The following MFSD6 variants were observed in gnomAD, a reference collection of about 807,000 sequenced individuals.
MFSD6 encodes major facilitator superfamily domain containing 6, also known as major facilitator superfamily domain-containing protein 6.
A neutral mutation model predicts 56.3 loss-of-function variants in MFSD6; 26 were observed. The observed-to-expected ratio is 0.46, with a 90% CI of 0.34 to 0.64. The LOEUF (loss-of-function observed/expected upper bound fraction) is 0.64, where lower values mean the gene tolerates loss of function less well. MFSD6 is among the 30% of genes least tolerant of loss of function. The probability of loss-of-function intolerance (pLI) is 0.01; values close to 1 mark genes in which losing one functional copy is unlikely to be tolerated. For missense variants in MFSD6, 750 were observed against 986.2 expected (o/e 0.76, Z 3.21); for synonymous variants, 331 against 366.9 (o/e 0.90, Z 1.12).
In MFSD6 at chr2:190,416,485, AC is replaced by A. The variant is rs1159185535; in HGVS notation, c.-54+1073del. On this transcript the variant is annotated intron_variant, in intron 2 of 7. Coordinates refer to ENST00000392328, the MANE Select transcript of MFSD6 (RefSeq NM_017694.4). The surrounding 1 kb of genome is among the most constrained non-coding windows in gnomAD (Gnocchi z 4.1). ...ATGAATTATCATTCCAGTCCATATT[AC>A]AATAGTGTGTTCTCCAGTGAACCAG... Among the ~76,000 whole-genome samples the A allele has an allele frequency of 6.6e-6, 1 of 152,200 alleles. No individual in the cohort carries two copies.
intron 4 of MFSD6, among the ~76,000 whole-genome samples, chr2:190,476,815 C>T (rs980767167): frequency 6.6e-5 from 10 of 152,076 alleles, no homozygotes; most frequent in Admixed American, 4.6e-4. Context: ...ATATGTCCAA[C>T]AGTGATAGAC....
At chr2:190,482,260 A>G (rs541208466) in intron 4 of MFSD6, among the ~76,000 whole-genome samples, 2 of 152,036 alleles carry the variant, frequency 1.3e-5, no homozygotes, top group Admixed American at 1.3e-4. Context: ...TGTGAGCAAG[A>G]AAAGAAAACA....
Position 190,418,332 on chromosome 2 carries a change from G to C in MFSD6, c.-54+2919G>C, listed in dbSNP as rs894955387. On this transcript the variant is annotated intron_variant, in intron 2 of 7. Transcript: ENST00000392328. This position sits in a 1 kb window ranked among gnomAD's most constrained non-coding sequence, Gnocchi z 4.1. Reference sequence around the variant, plus strand: ...ATTGTATTGTAGTTGGTAATAATATGATAGTATAATCCACTGATTCCCTGT... The same window carrying C: ...ATTGTATTGTAGTTGGTAATAATATCATAGTATAATCCACTGATTCCCTGT... Among the ~76,000 whole-genome samples the C allele has an allele frequency of 3.3e-5, 5 of 152,188 alleles. No homozygotes were observed. Among genetic ancestry groups the C allele is most frequent in the African/African-American group, 1.2e-4 (5 of 41,450 alleles).
In MFSD6 at chr2:190,436,227, C is replaced by T. The variant is rs150345541; in HGVS notation, c.198C>T (p.Asn66=). 1,781 of 1,614,020 alleles carry T rather than the reference C, an allele frequency of 1.1e-3. 13 individuals are homozygous for T. The Middle Eastern group carries it at 0.011, about 10-fold the overall frequency. The change falls in exon 3 of 8, where the codon AAC becomes AAT. Residue 66 remains asparagine, a synonymous_variant. Transcript: ENST00000392328. The surrounding 1 kb of genome is among the most constrained non-coding windows in gnomAD (Gnocchi z 5.3). ...WIEKHCVKIN[N]DLLISKVFYF... ...AGAAACATTGTGTTAAGATAAACAA[C>T]GATCTTCTAATTTCCAAGGTCTTTT...
In MFSD6 at chr2:190,497,488, TA is replaced by T. The variant is rs753586542; in HGVS notation, c.1942del (p.Ile648Ter). 5.6e-6 allele frequency: 9 copies of T among 1,614,076 alleles called. No homozygotes were observed. Among genetic ancestry groups the T allele is most frequent in the African/African-American group, 2.7e-5 (2 of 74,934 alleles). ...RIPVPSSPVP[I>X]ATIDLVQQQT... The stretch of plus-strand genomic sequence containing the variant: ...TTCCTGTTCCCTCCAGTCCCGTTCC[TA>T]TAGCAACCATCGACTTGGTACAGCA... On this transcript the variant is annotated frameshift_variant, in exon 7 of 8. Coordinates refer to ENST00000392328, the MANE Select transcript of MFSD6 (RefSeq NM_017694.4). LOFTEE classifies it high-confidence loss of function. The surrounding 1 kb of genome is among the most constrained non-coding windows in gnomAD (Gnocchi z 5.2).
In MFSD6 at chr2:190,497,649, C is replaced by T; in HGVS notation, c.2102C>T (p.Ala701Val). The stretch of plus-strand genomic sequence containing the variant: ...TCTCCCTGGGTGACCTTTGTCTATG[C>T]ACTCTACCAAATTAAAGAGATGATG... ...SSSPWVTFVY[A>V]LYQIKEMMQL... Residue 701 changes from alanine (A) to valine (V), a missense_variant, in exon 7 of 8, where the codon GCA becomes GTA. By Grantham distance (64) the Ala-to-Val change is moderately conservative. Around this residue, in one of 5 missense-constraint regions of MFSD6, gnomAD observed 172 missense variants for 203.9 expected, o/e 0.84. Coordinates refer to ENST00000392328, the MANE Select transcript of MFSD6 (RefSeq NM_017694.4). The surrounding 1 kb of genome is among the most constrained non-coding windows in gnomAD (Gnocchi z 5.2). 6.2e-7 allele frequency: 1 copy of T among 1,614,158 alleles called. No homozygotes were observed. Among genetic ancestry groups the T allele is most frequent in the Non-Finnish European group, 8.5e-7 (1 of 1,180,002 alleles).
intron 4 of MFSD6, among the ~76,000 whole-genome samples, chr2:190,473,192 C>A (rs1159504050): frequency 1.4e-4 from 22 of 152,108 alleles, no homozygotes; most frequent in African/African-American, 4.8e-4. Context: ...CAAGCAAAAT[C>A]ACCAGCTAAC....
intron 1 of MFSD6, among the ~76,000 whole-genome samples, chr2:190,409,590 C>T (rs1690470322): frequency 6.6e-6 from 1 of 152,110 alleles, no homozygotes; most frequent in Non-Finnish European, 1.5e-5. Flanking sequence ...TCTAGAAGTC[C>T]ATGATTTTCT....
chr2:190,453,458 C>T lies in MFSD6; in HGVS notation c.1532+15897C>T, dbSNP rs1231180805. ...TGTAGAGAACAGCTCCATCTTCCTC[C>T]TCTCTATTCCCCTTTCTTATTTTCA... On this transcript the variant is annotated intron_variant, in intron 3 of 7. Transcript: ENST00000392328. Among the ~76,000 whole-genome samples the T allele has an allele frequency of 5.3e-5, 8 of 152,176 alleles. 1 individual carries two copies.
chr2:190,422,472 T>C (rs1053754298), intron 2 of MFSD6, among the ~76,000 whole-genome samples: 1 of 152,210 alleles, frequency 6.6e-6, no homozygotes, highest in African/African-American at 2.4e-5. Flanking sequence ...GAGATAAATT[T>C]TGTGAGAAAT....
At position 190,439,705 on chromosome 2, in the gene MFSD6, G is replaced by A. The variant is rs777513384; in HGVS notation, c.1532+2144G>A. On this transcript the variant is annotated intron_variant, in intron 3 of 7. Transcript: ENST00000392328. The surrounding 1 kb of genome is among the most constrained non-coding windows in gnomAD (Gnocchi z 5.8). ...TCTTCCATTTCTTGTTTAATAATGT[G>A]ATGGAAGAAGATGGCTGTTATGGTC... Among the ~76,000 whole-genome samples, 115 of 152,308 alleles carry A rather than the reference G, an allele frequency of 7.6e-4. No homozygotes were observed. Among genetic ancestry groups the A allele is most frequent in the Admixed American group, 2.9e-3 (44 of 15,304 alleles).
chr2:190,458,167 G>A lies in MFSD6; in HGVS notation c.1533-11591G>A, dbSNP rs531379574. 3.8e-3 allele frequency among the ~76,000 whole-genome samples: 575 copies of A among 152,230 alleles called. 3 individuals carry two copies. The highest frequency in any genetic ancestry group is 0.013 in the African/African-American group (553 of 41,552). ...TGTTGGAGTTGTAAGTGACCTCGAA[G>A]GGCATTTTAATGGGCTGAATTGTGG... On this transcript the variant is annotated intron_variant, in intron 3 of 7. Transcript: ENST00000392328. This position sits in a 1 kb window ranked among gnomAD's most constrained non-coding sequence, Gnocchi z 5.3.
In MFSD6 at chr2:190,438,381, T is replaced by A. The variant is rs2125054811; in HGVS notation, c.1532+820T>A. Among the ~76,000 whole-genome samples, 1 of 152,222 alleles carries A rather than the reference T, an allele frequency of 6.6e-6. No homozygotes were observed. Among genetic ancestry groups the A allele is most frequent in the Middle Eastern group, 3.4e-3 (1 of 294 alleles). ...AAATACAAAAGTTAGCCGGGCATGG[T>A]GGCACGCACCCGTAGTCCCAGCTAC... On this transcript the variant is annotated intron_variant, in intron 3 of 7. Coordinates refer to ENST00000392328, the MANE Select transcript of MFSD6 (RefSeq NM_017694.4). This position sits in a 1 kb window ranked among gnomAD's most constrained non-coding sequence, Gnocchi z 5.2.
Position 190,437,293 on chromosome 2 carries a change from G to A in MFSD6, c.1264G>A (p.Glu422Lys), listed in dbSNP as rs1424970743. The A allele has an allele frequency of 8.1e-6, 13 of 1,614,244 alleles. No homozygotes were observed. Among genetic ancestry groups the A allele is most frequent in the Non-Finnish European group, 1.0e-5 (12 of 1,180,044 alleles). ...ERNNSTESSE[E>K]TPTTTSHSQA... ...GAACAACTCTACAGAGTCCTCTGAGGAGACACCAACCACCACAAGCCACTC... is the reference window on the plus strand; with the variant it reads ...GAACAACTCTACAGAGTCCTCTGAGAAGACACCAACCACCACAAGCCACTC... Residue 422 changes from glutamate (E) to lysine (K), a missense_variant, in exon 3 of 8, where the codon GAG becomes AAG. By Grantham distance (56) the Glu-to-Lys change is moderately conservative. Transcript: ENST00000392328. The surrounding 1 kb of genome is among the most constrained non-coding windows in gnomAD (Gnocchi z 5.9).
chr2:190,452,491 G>C (rs1040478700), intron 3 of MFSD6, among the ~76,000 whole-genome samples: 1 of 152,146 alleles, frequency 6.6e-6, no homozygotes, highest in African/African-American at 2.4e-5. Context: ...GAGAATTGTA[G>C]AGTGATTAAG....
Position 190,487,535 on chromosome 2 carries a change from A to G in MFSD6, c.1631-1122A>G, listed in dbSNP as rs890469539. ...TAGAATGGATGAATGTCCAGAATATATAAAGAGCTCCTACAACTCAATAAC... is the reference window on the plus strand; with the variant it reads ...TAGAATGGATGAATGTCCAGAATATGTAAAGAGCTCCTACAACTCAATAAC... On this transcript the variant is annotated intron_variant, in intron 4 of 7. Coordinates refer to ENST00000392328, the MANE Select transcript of MFSD6 (RefSeq NM_017694.4). The surrounding 1 kb of genome is among the most constrained non-coding windows in gnomAD (Gnocchi z 5.5). Among the ~76,000 whole-genome samples the G allele has an allele frequency of 6.6e-6, 1 of 152,200 alleles. No homozygotes were observed. The highest frequency in any genetic ancestry group is 1.5e-5 in the Non-Finnish European group (1 of 68,030).
rs544591315 is a variant in MFSD6, at chr2:190,482,903, T to TTTTTTTTTTTTTTTTTTTTTTTTTTG, written c.1631-5754_1631-5753insTTTTTTTTTTTTTTTTTTTTTTTTTG. On this transcript the variant is annotated intron_variant, in intron 4 of 7. Coordinates refer to ENST00000392328, the MANE Select transcript of MFSD6 (RefSeq NM_017694.4). ...TTTTTTTTTTTTTTTTTTTTTTTTTTAGACGGAGTCTCACTCTGTCGCCCA... is the reference window on the plus strand; with the variant it reads ...TTTTTTTTTTTTTTTTTTTTTTTTTTTTTTTTTTTTTTTTTTTTTTTTTTTGAGACGGAGTCTCACTCTGTCGCCCA... Among the ~76,000 whole-genome samples the TTTTTTTTTTTTTTTTTTTTTTTTTTG allele has an allele frequency of 2.6e-4, 22 of 86,250 alleles. 7 individuals carry two copies. Among genetic ancestry groups the TTTTTTTTTTTTTTTTTTTTTTTTTTG allele is most frequent in the East Asian group, 8.2e-4 (2 of 2,442 alleles). 56.6% of individuals were successfully genotyped at this position (86,250 alleles called of 152,430 possible).
In MFSD6 at chr2:190,488,947, T is replaced by G. The variant is rs113564925; in HGVS notation, c.1792+129T>G. 2 of 957,536 alleles carry G rather than the reference T, an allele frequency of 2.1e-6. No homozygotes were observed. The highest frequency in any genetic ancestry group is 2.1e-5 in the South Asian group (1 of 47,792). The allele number at this position is 957,536 out of a possible 1,614,324, so 59.3% of individuals were successfully genotyped here. ...GCTAAATTCCAGTATTCATAATCTC[T>G]TTCTAGATTTCATGGTAGTCATAAT... is the stretch of plus-strand genomic sequence containing the variant. On this transcript the variant is annotated intron_variant, in intron 5 of 7. Transcript: ENST00000392328. The surrounding 1 kb of genome is among the most constrained non-coding windows in gnomAD (Gnocchi z 6.4).
chr2:190,428,033 T>C (rs1685838280), intron 2 of MFSD6, among the ~76,000 whole-genome samples: 3 of 152,170 alleles, frequency 2.0e-5, no homozygotes, highest in South Asian at 2.1e-4. Context: ...TGCCCTGCCA[T>C]GTCTACCACT....
Sources: allele counts gnomAD v4.1 joint callset (sites outside exome capture counted in the v4.1 genomes callset), GRCh38; gene constraint gnomAD v4.1.1; regional missense constraint gnomAD v4.1.1; non-coding constraint Gnocchi (gnomAD v3.1); transcripts MANE v1.5; gene names NCBI Gene and HGNC (gene_info 2026-07-23, HGNC 2026-07-21).